Variants in LRRC40 observed in about 807,000 individuals in gnomAD.
LRRC40 encodes leucine-rich repeat-containing protein 40.
In LRRC40, 76 loss-of-function variants were observed where a neutral mutation model predicts 72.8. The ratio of observed to expected loss-of-function variants is 1.04; its 90% CI spans 0.87 to 1.26. The LOEUF (loss-of-function observed/expected upper bound fraction) is 1.26. LRRC40 is among the 50% of genes most tolerant of loss of function. The pLI, the probability that LRRC40 is intolerant of heterozygous loss-of-function variation, is 0.00. For missense variants in LRRC40, 684 were observed against 698.9 expected, an observed-to-expected ratio of 0.98 and a Z score of 0.24; for synonymous variants, 243 against 254.2, an observed-to-expected ratio of 0.96 and a Z score of 0.42.
chr1:70,151,280 G>C, intron 12 of LRRC40, 75 bp from the exon 13 acceptor site: 1 of 708,218 alleles, frequency 1.4e-6, no homozygotes, highest in Non-Finnish European at 2.5e-6. Flanking sequence ...TTAAAATATT[G>C]AGCAGGAAAA....
At chr1:70,204,410 T>C (rs1026083280) in intron 1 of LRRC40, among the ~76,000 whole-genome samples, 1 of 152,178 alleles carries the variant, frequency 6.6e-6, no homozygotes, top group Non-Finnish European at 1.5e-5. Flanking sequence ...GTTAGCATGA[T>C]AGGTATGCAA....
At chr1:70,150,170 C>G (rs559677824) in intron 13 of LRRC40, among the ~76,000 whole-genome samples, 1 of 152,154 alleles carries the variant, frequency 6.6e-6, no homozygotes, top group Admixed American at 6.5e-5. Flanking sequence ...CCGCCCACCT[C>G]GGCCTTCCAA....
chr1:70,193,363 A>C (rs1668543039), intron 1 of LRRC40, among the ~76,000 whole-genome samples: 1 of 152,014 alleles, frequency 6.6e-6, no homozygotes, highest in Non-Finnish European at 1.5e-5. Context: ...TATGCCAACA[A>C]ATCCAACAAC....
chr1:70,151,093 C>T, intron 13 of LRRC40, 35 bp downstream of exon 13: 1 of 1,217,820 alleles, frequency 8.2e-7, no homozygotes, highest in Non-Finnish European at 1.2e-6. Flanking sequence ...TACATATTTC[C>T]ACAGAATAAC....
At chr1:70,168,045 G>A (rs1328390579) in intron 9 of LRRC40, among the ~76,000 whole-genome samples, 1 of 152,156 alleles carries the variant, frequency 6.6e-6, no homozygotes, top group Non-Finnish European at 1.5e-5. Context: ...TTCTAGGTCA[G>A]AGAGGCAGAA....
Position 70,187,281 on chromosome 1 carries a change from G to T in LRRC40, c.391C>A (p.Gln131Lys). 6.3e-7 allele frequency: 1 copy of T among 1,576,298 alleles called. No homozygotes were observed. The highest frequency in any genetic ancestry group is 8.7e-7 in the Non-Finnish European group (1 of 1,148,178). ...PSAIRELENL[Q>K]KLNVSHNKLK... ...AATTTTTACCTGACATTAAGTTTCT[G>T]AAGATTTTCTAGCTCTCTTATAGCA... is the stretch of plus-strand genomic sequence containing the variant. The change falls in exon 3 of 15, where the codon CAG becomes AAG. Residue 131 changes from glutamine to lysine, a missense_variant. By Grantham distance (53) the Gln-to-Lys change is moderately conservative. Transcript: ENST00000370952.
intron 12 of LRRC40, among the ~76,000 whole-genome samples, chr1:70,151,442 C>A (rs995413420): frequency 6.6e-6 from 1 of 152,082 alleles, no homozygotes. Context: ...GCAATGAATT[C>A]TTTACAGGTT....
At chr1:70,188,402 A>C (rs1314479258) in intron 2 of LRRC40, among the ~76,000 whole-genome samples, 1 of 152,230 alleles carries the variant, frequency 6.6e-6, no homozygotes, top group Admixed American at 6.5e-5. Flanking sequence ...ATACATATAC[A>C]TATAGACTTG....
chr1:70,167,706 C>A (rs1005475113), intron 9 of LRRC40, among the ~76,000 whole-genome samples: 2 of 152,008 alleles, frequency 1.3e-5, no homozygotes, highest in South Asian at 2.1e-4. Context: ...CCTCCACCTT[C>A]CAGGTTCTAG....
At chr1:70,184,362 G>A (rs1668314925) in intron 4 of LRRC40, among the ~76,000 whole-genome samples, 2 of 152,166 alleles carry the variant, frequency 1.3e-5, no homozygotes, top group Admixed American at 1.3e-4. Flanking sequence ...AGGAAGTGTG[G>A]CCATTCTGAA....
intron 9 of LRRC40, among the ~76,000 whole-genome samples, chr1:70,171,673 AGATGACAAATGTTGATGAGGAT>A (rs1298470139): frequency 3.3e-5 from 5 of 152,186 alleles, no homozygotes; most frequent in Non-Finnish European, 7.4e-5. Flanking sequence ...AATCAGAGTC[AGATGACAAATGTTGATGAGGAT>A]GATGACAAAT....
At chr1:70,187,822 C>A (rs192975717) in intron 2 of LRRC40, among the ~76,000 whole-genome samples, 2 of 102,668 alleles carry the variant, frequency 1.9e-5, no homozygotes, top group East Asian at 6.5e-4. Context: ...CAGAGTGAGA[C>A]CCTGTCTCAA....
intron 2 of LRRC40, among the ~76,000 whole-genome samples, chr1:70,187,894 G>GAAGAGAAGAGAAGAGAAGAGAAGTC (rs1277318646): frequency 7.0e-6 from 1 of 143,306 alleles, no homozygotes. Context: ...GAAGAGAAGA[G>GAAGAGAAGAGAAGAGAAGAGAAGTC]AAGTCATGAA....
At chr1:70,186,174 C>T (rs1668354956) in intron 3 of LRRC40, among the ~76,000 whole-genome samples, 1 of 152,042 alleles carries the variant, frequency 6.6e-6, no homozygotes, top group Admixed American at 6.6e-5. Context: ...AGATTTCCTC[C>T]ATCTCCTTTT....
chr1:70,161,634 A>G (rs1667765305), intron 9 of LRRC40, among the ~76,000 whole-genome samples: 1 of 152,068 alleles, frequency 6.6e-6, no homozygotes, highest in Non-Finnish European at 1.5e-5. Context: ...GATTTAGTTG[A>G]ACGAGTGTCA....
intron 12 of LRRC40, 31 bp downstream of exon 12, chr1:70,152,402 T>A (rs780528637): frequency 1.2e-5 from 13 of 1,129,516 alleles, no homozygotes; most frequent in Non-Finnish European, 1.5e-5. Context: ...TATAACTTTT[T>A]AAAAAGTCAA....
rs755214039 is a variant in LRRC40, at chr1:70,145,877, G to A, written c.1732C>T (p.Arg578Ter). The A allele has an allele frequency of 1.9e-5, 30 of 1,604,276 alleles. No individual in the cohort carries two copies. The highest frequency in any genetic ancestry group is 3.3e-5 in the Admixed American group (2 of 59,852). ...RTLLLDGNPF[R>*]VPRAAILMKG... ...ATTAATATGGCTGCTCGAGGAACTC[G>A]GAATGGATTTCCATCCAGTAGTAAT... Residue 578 changes from arginine to a stop codon, truncating the protein, a stop_gained, in exon 15 of 15, where the codon CGA (arginine) becomes TGA (stop). Transcript: ENST00000370952. LOFTEE classifies it high-confidence loss of function.
intron 11 of LRRC40, among the ~76,000 whole-genome samples, chr1:70,154,111 T>TCC (rs1667581804): frequency 6.6e-6 from 1 of 152,206 alleles, no homozygotes. Flanking sequence ...TATTCCTTTA[T>TCC]TTATTCCAAA....
At chr1:70,164,085 T>C (rs1353018042) in intron 9 of LRRC40, among the ~76,000 whole-genome samples, 2 of 152,146 alleles carry the variant, frequency 1.3e-5, no homozygotes, top group Non-Finnish European at 2.9e-5. Flanking sequence ...AAACCCTTTT[T>C]TTATAAGAGT....
Sources: gnomAD v4.1 joint callset for allele counts (sites outside exome capture counted in the v4.1 genomes callset) on GRCh38, gnomAD v4.1.1 for gene constraint, MANE v1.5 for transcripts, NCBI Gene and HGNC (gene_info 2026-07-23, HGNC 2026-07-21) for gene names.